The following TCF4 variants were observed in gnomAD, a reference collection of about 807,000 sequenced individuals.
TCF4 encodes SL3-3 enhancer factor 2.
Under a neutral mutation model 82.1 loss-of-function variants are expected in TCF4, and 3 were observed. The ratio of observed to expected loss-of-function variants is 0.04; its 90% CI spans 0.02 to 0.09. The LOEUF (loss-of-function observed/expected upper bound fraction) is 0.09. TCF4 is among the 10% of genes least tolerant of loss of function. The probability of loss-of-function intolerance (pLI) is 1.00; values close to 1 mark genes in which losing one functional copy is unlikely to be tolerated. For synonymous variants in TCF4, 276 were observed against 309.6 expected, an observed-to-expected ratio of 0.89 and a Z score of 1.14; for missense variants, 518 against 852.7, an observed-to-expected ratio of 0.61 and a Z score of 4.89.
At chr18:55,312,295 C>T (rs1013883212) in intron 8 of TCF4, among the ~76,000 whole-genome samples, 3 of 152,138 alleles carry the variant, frequency 2.0e-5, no homozygotes, top group African/African-American at 7.2e-5. Flanking sequence ...CAGGAATCAC[C>T]ATCTAACTTT....
chr18:55,424,775 T>C (rs2094913339), intron 5 of TCF4, among the ~76,000 whole-genome samples: 1 of 152,226 alleles, frequency 6.6e-6, no homozygotes, highest in Non-Finnish European at 1.5e-5. Context: ...TGAGATCTTT[T>C]GATACAGTAC....
chr18:55,341,484 G>A lies in TCF4; in HGVS notation c.549+8875C>T, dbSNP rs551584306. 5.3e-5 allele frequency among the ~76,000 whole-genome samples: 8 copies of A among 152,256 alleles called. No homozygotes were observed. The East Asian group carries it at 1.5e-3, about 29-fold the overall frequency. Reference sequence around the variant, plus strand: ...ATATTGACACCACCTTATTATGCAGGCACTATTTTATACCTGCTTTGTAGA... The same window carrying A: ...ATATTGACACCACCTTATTATGCAGACACTATTTTATACCTGCTTTGTAGA... On this transcript the variant is annotated intron_variant, in intron 8 of 19. Transcript: ENST00000354452.
At chr18:55,257,508 C>T in intron 13 of TCF4, 117 bp from the exon 14 acceptor site, 1 of 978,778 alleles carries the variant, frequency 1.0e-6, no homozygotes, top group Non-Finnish European at 1.6e-6. Flanking sequence ...ATTTAAACAA[C>T]AACGTAAATA....
chr18:55,239,616 G>C (rs2050632347), intron 15 of TCF4, among the ~76,000 whole-genome samples: 1 of 152,080 alleles, frequency 6.6e-6, no homozygotes, highest in Admixed American at 6.6e-5. Context: ...TTATTGCAGG[G>C]GGAAAATCAT....
At chr18:55,517,442 A>C (rs2096894055) in intron 3 of TCF4, among the ~76,000 whole-genome samples, 1 of 152,120 alleles carries the variant, frequency 6.6e-6, no homozygotes, top group South Asian at 2.1e-4. Flanking sequence ...GACATCAACA[A>C]GAGAACCAAC....
At chr18:55,405,236 G>A (rs543936101) in intron 5 of TCF4, among the ~76,000 whole-genome samples, 12 of 152,312 alleles carry the variant, frequency 7.9e-5, no homozygotes, top group Non-Finnish European at 1.5e-4. Flanking sequence ...ATCAAAGGAC[G>A]CGTGTCCTTC....
intron 3 of TCF4, among the ~76,000 whole-genome samples, chr18:55,557,240 A>AACACACAG (rs112004788): frequency 2.6e-5 from 4 of 151,994 alleles, no homozygotes; most frequent in African/African-American, 4.8e-5. Context: ...AACTAATGCA[A>AACACACAG]ACACACAGAC....
chr18:55,464,762 T>A (rs931264063), intron 3 of TCF4, among the ~76,000 whole-genome samples: 18 of 152,164 alleles, frequency 1.2e-4, no homozygotes, highest in African/African-American at 4.3e-4. Context: ...TGGTCTATAA[T>A]CCTTAATCTG....
chr18:55,258,884 A>T (rs1431865488), intron 13 of TCF4, among the ~76,000 whole-genome samples: 2 of 152,152 alleles, frequency 1.3e-5, no homozygotes, highest in Non-Finnish European at 2.9e-5. Context: ...ACGTTTGATT[A>T]TCCTCTTAAA....
intron 6 of TCF4, among the ~76,000 whole-genome samples, chr18:55,393,749 C>G (rs1045465128): frequency 2.6e-5 from 4 of 152,104 alleles, no homozygotes; most frequent in Non-Finnish European, 5.9e-5. Flanking sequence ...AACTTACCAT[C>G]AAAGTACGAG....
At chr18:55,249,701 T>TA (rs1282432633) in intron 15 of TCF4, among the ~76,000 whole-genome samples, 1 of 152,144 alleles carries the variant, frequency 6.6e-6, no homozygotes, top group African/African-American at 2.4e-5. Context: ...AATGAATAAA[T>TA]AGACTTTAAA....
At chr18:55,396,254 A>G (rs554258667) in intron 6 of TCF4, among the ~76,000 whole-genome samples, 1 of 152,302 alleles carries the variant, frequency 6.6e-6, no homozygotes, top group East Asian at 1.9e-4. Context: ...CTTGAAGCAA[A>G]TGATTTGAGG....
intron 3 of TCF4, among the ~76,000 whole-genome samples, chr18:55,530,736 A>G (rs1173656062): frequency 2.0e-5 from 3 of 152,200 alleles, no homozygotes; most frequent in Admixed American, 2.0e-4. Context: ...TATTCACATG[A>G]AAAACAGTGT....
Position 55,279,582 on chromosome 18 carries a change from G to C in TCF4, c.624C>G (p.Thr208=), listed in dbSNP as rs370453680. The change falls in exon 9 of 20, where the codon ACC becomes ACG. Residue 208 remains threonine (T), a synonymous_variant. Coordinates refer to ENST00000354452, the MANE Select transcript of TCF4 (RefSeq NM_001083962.2). The part of the protein sequence containing the change: ...SPGYPSSKPA[T]STFPSSFFMQ... ...TGAAGAAGGAGCTAGGGAAAGTGCT[G>C]GTTGCTGGTTTGGAGGAAGGATAGC... The C allele has an allele frequency of 3.0e-5, 49 of 1,613,930 alleles. No individual in the cohort carries two copies. The highest frequency in any genetic ancestry group is 4.1e-5 in the Non-Finnish European group (48 of 1,179,896).
chr18:55,547,993 T>G (rs2097221139), intron 3 of TCF4, among the ~76,000 whole-genome samples: 1 of 152,186 alleles, frequency 6.6e-6, no homozygotes, highest in Non-Finnish European at 1.5e-5. Flanking sequence ...TCCTCCCCAT[T>G]TCAAGAACGC....
rs142966917 is a variant in TCF4, at chr18:55,597,044, C to G, written c.287-9908G>C. ...GCTGTTTAAACGTATGTAACCCTTC[C>G]CCTTCGCTCTCTCTCTCCTGCTGTG... On this transcript the variant is annotated intron_variant, in intron 2 of 20. Coordinates refer to the TCF4 transcript ENST00000398339. Among the ~76,000 whole-genome samples, 135 of 152,196 alleles carry G rather than the reference C, an allele frequency of 8.9e-4. 2 individuals are homozygous for G. In the East Asian group the frequency reaches 0.022, roughly 25 times the overall value.
chr18:55,319,864 T>C (rs2075055388), intron 8 of TCF4, among the ~76,000 whole-genome samples: 2 of 152,242 alleles, frequency 1.3e-5, no homozygotes, highest in Middle Eastern at 3.4e-3. Context: ...AAATTAAAAT[T>C]TTGTCAGTTC....
intron 6 of TCF4, among the ~76,000 whole-genome samples, chr18:55,365,748 A>T (rs2086853951): frequency 6.6e-6 from 1 of 152,050 alleles, no homozygotes. Flanking sequence ...AAAAATATAA[A>T]AAAATTAATG....
At chr18:55,626,600 C>T (rs1603625674) in intron 2 of TCF4, among the ~76,000 whole-genome samples, 2 of 152,216 alleles carry the variant, frequency 1.3e-5, no homozygotes, top group Admixed American at 1.3e-4. Flanking sequence ...TCTTCTTTCT[C>T]AAAGAAATGG....
Sources: allele counts gnomAD v4.1 joint callset (sites outside exome capture counted in the v4.1 genomes callset), GRCh38; gene constraint gnomAD v4.1.1; transcripts MANE v1.5; gene names NCBI Gene and HGNC (gene_info 2026-07-23, HGNC 2026-07-21).